The following VASP variants were observed in gnomAD, a reference collection of about 807,000 sequenced individuals.
The protein encoded by VASP is vasodilator-stimulated phosphoprotein.
In VASP, 27 loss-of-function variants were observed where a neutral mutation model predicts 54.4. The observed-to-expected ratio is 0.50, with a 90% CI of 0.37 to 0.68. The LOEUF (loss-of-function observed/expected upper bound fraction) is 0.68, where lower values mean the gene tolerates loss of function less well. Ranked by LOEUF, VASP falls within the 30% of genes least tolerant of loss-of-function variation. VASP has a pLI of 0.00. For synonymous variants in VASP, 233 were observed against 209.8 expected (o/e 1.11, Z -0.96); for missense variants, 488 against 528.3 (o/e 0.92, Z 0.75).
At chr19:45,524,449 A>G (rs1259097053) in intron 10 of VASP, 121 bp from the exon 11 acceptor site, 4 of 1,070,442 alleles carry the variant, frequency 3.7e-6, no homozygotes, top group Non-Finnish European at 5.6e-6. Context: ...TGGGGCCCCA[A>G]AAATACTTGG....
intron 11 of VASP, 166 bp downstream of exon 11, chr19:45,524,826 T>C: frequency 1.6e-6 from 1 of 617,070 alleles, no homozygotes; most frequent in Non-Finnish European, 2.9e-6. Context: ...CCACACCCCC[T>C]TTTCTGGCAC....
chr19:45,509,906 ACAGTCCTGGGGG>A (rs1336190497), intron 1 of VASP, among the ~76,000 whole-genome samples: 2 of 152,170 alleles, frequency 1.3e-5, no homozygotes, highest in African/African-American at 2.4e-5. Flanking sequence ...TTGGCTGGGG[ACAGTCCTGGGGG>A]CAGTTGGAAG....
chr19:45,523,497 C>CA (rs1444132529), intron 7 of VASP, 147 bp from the exon 8 acceptor site: 7 of 915,740 alleles, frequency 7.6e-6, no homozygotes, highest in Admixed American at 5.3e-5. Flanking sequence ...GCGCCCAGCA[C>CA]AATCTCTTGA....
chr19:45,523,797 A>G, intron 8 of VASP, 44 bp from the exon 9 acceptor site: 1 of 1,614,044 alleles, frequency 6.2e-7, no homozygotes, highest in Non-Finnish European at 8.5e-7. Context: ...AAATGGGCAG[A>G]GGTGTGGCAG....
chr19:45,523,305 C>A (rs1968887036), intron 7 of VASP, among the ~76,000 whole-genome samples: 1 of 141,680 alleles, frequency 7.1e-6, no homozygotes, highest in Non-Finnish European at 1.5e-5. Context: ...TGGGTTCAGG[C>A]AGTTCTTCTG....
Position 45,522,520 on chromosome 19 carries a change from G to A in VASP, c.659G>A (p.Gly220Glu), listed in dbSNP as rs1394061923. 9 of 1,456,522 alleles carry A rather than the reference G, an allele frequency of 6.2e-6. No homozygotes were observed. Among genetic ancestry groups the A allele is most frequent in the Middle Eastern group, 2.3e-4 (1 of 4,372 alleles). The allele number at this position is 1,456,522 out of a possible 1,614,324, so 90.2% of individuals were successfully genotyped here. A position where few individuals can be genotyped will look rare whatever the true frequency, so the allele number is the denominator to read the frequency against. Residue 220 changes from glycine (G) to glutamate (E), a missense_variant, in exon 6 of 13, where the codon GGA becomes GAA. Transcript: ENST00000245932. The part of the protein sequence containing the change: ...LPAAQGPGGG[G>E]AGAPGLAAAI... ...GCAGCACAGGGCCCTGGTGGTGGGG[G>A]AGCTGGGGCCCCAGGCCTGGCCGCA...
chr19:45,524,434 A>C (rs1270844112), intron 10 of VASP, 136 bp from the exon 11 acceptor site: 16 of 876,234 alleles, frequency 1.8e-5, no homozygotes, highest in Non-Finnish European at 2.9e-5. Flanking sequence ...AAAAAAAAAA[A>C]AAACTGGGGC....
chr19:45,522,470 A>G lies in VASP; in HGVS notation c.609A>G (p.Gly203=), dbSNP rs1381913323. The G allele has an allele frequency of 2.0e-6, 3 of 1,474,610 alleles. No homozygotes were observed. The highest frequency in any genetic ancestry group is 2.5e-5 in the East Asian group (1 of 39,994). The allele number at this position is 1,474,610 out of a possible 1,614,324, so 91.3% of individuals were successfully genotyped here. A position where few individuals can be genotyped will look rare whatever the true frequency, so the allele number is the denominator to read the frequency against. ...VPAAAHGAGG[G]PPPAPPLPAA... ...CTGCAGCGCACGGAGCAGGGGGAGG[A>G]CCACCCCCTGCACCCCCTCTCCCGG... Residue 203 remains glycine, a synonymous_variant, in exon 6 of 13, where the codon GGA becomes GGG. Coordinates refer to ENST00000245932, the MANE Select transcript of VASP (RefSeq NM_003370.4).
At chr19:45,522,304 C>T in intron 5 of VASP, 36 bp from the exon 6 acceptor site, 2 of 1,613,406 alleles carry the variant, frequency 1.2e-6, no homozygotes, top group Non-Finnish European at 1.7e-6. Flanking sequence ...TGAGGCTTCT[C>T]TCTCTCAGCT....
chr19:45,515,102 GGGTCCCTACCCCA>G (rs1174562139), intron 1 of VASP, among the ~76,000 whole-genome samples: 3 of 152,140 alleles, frequency 2.0e-5, no homozygotes, highest in Non-Finnish European at 2.9e-5. Context: ...GTAAATTTGA[GGGTCCCTACCCCA>G]GGTCCCTACC....
chr19:45,507,717 G>C lies in VASP; in HGVS notation c.-55G>C. The C allele has an allele frequency of 2.6e-6, 4 of 1,513,748 alleles. No homozygotes were observed. Among genetic ancestry groups the C allele is most frequent in the Admixed American group, 2.0e-5 (1 of 49,774 alleles). 93.8% of individuals were successfully genotyped at this position (1,513,748 alleles called of 1,614,324 possible). On this transcript the variant is annotated 5_prime_UTR_variant, in exon 1 of 13. Transcript: ENST00000245932. This position sits in a 1 kb window ranked among gnomAD's most constrained non-coding sequence, Gnocchi z 4.4. Reference sequence around the variant, plus strand: ...CCCCGAACCCCTGAACCTCCAGCCAGGGGCGCCCCGGGAGCAGCCAGCCCG... The same window carrying C: ...CCCCGAACCCCTGAACCTCCAGCCACGGGCGCCCCGGGAGCAGCCAGCCCG...
chr19:45,513,468 C>CTTTTTTTTTTTTTTTTTTT lies in VASP; in HGVS notation c.6-4192_6-4174dup, dbSNP rs71173173. Among the ~76,000 whole-genome samples, 47 of 92,782 alleles carry CTTTTTTTTTTTTTTTTTTT rather than the reference C, an allele frequency of 5.1e-4. 3 individuals are homozygous for CTTTTTTTTTTTTTTTTTTT. The highest frequency in any genetic ancestry group is 1.9e-3 in the African/African-American group (41 of 21,074). The allele number at this position is 92,782 out of a possible 152,430, so 60.9% of individuals were successfully genotyped here. The stretch of plus-strand genomic sequence containing the variant: ...CATCTTGCCCAAGCTAGTCTCTCTC[C>CTTTTTTTTTTTTTTTTTTT]TTTTTTTTTTTTTTTTTTTTTGAGA... On this transcript the variant is annotated intron_variant, in intron 1 of 12. Transcript: ENST00000245932.
At chr19:45,519,753 A>G (rs529377272) in intron 3 of VASP, among the ~76,000 whole-genome samples, 1 of 140,696 alleles carries the variant, frequency 7.1e-6, no homozygotes, top group African/African-American at 3.1e-5. Context: ...CCGCCACCAC[A>G]TCCAGCTAAT....
chr19:45,522,723 G>C lies in VASP; in HGVS notation c.726G>C (p.Glu242Asp). The C allele has an allele frequency of 6.2e-7, 1 of 1,604,090 alleles. No homozygotes were observed. The highest frequency in any genetic ancestry group is 1.4e-5 in the African/African-American group (1 of 73,944). Residue 242 changes from glutamate to aspartate, a missense_variant, in exon 7 of 13, where the codon GAG becomes GAC. Physicochemically the swap from Glu to Asp is conservative, Grantham distance 45. Around this residue, in one of 4 missense-constraint regions of VASP, gnomAD observed 226 missense variants for 196.0 expected, o/e 1.15. Transcript: ENST00000245932. Reference sequence around the variant, plus strand: ...CCCCTTTTAAATTTCTCCAGCAGGAGGAGGCCTCAGGGGGGCCCACAGCCC... The same window carrying C: ...CCCCTTTTAAATTTCTCCAGCAGGACGAGGCCTCAGGGGGGCCCACAGCCC... Reference protein sequence around the residue: ...GAKLRKVSKQEEASGGPTAPK... With the variant: ...GAKLRKVSKQDEASGGPTAPK...
Position 45,524,561 on chromosome 19 carries a change from C to T in VASP, c.957-9C>T. On this transcript the variant is annotated splice_polypyrimidine_tract_variant and intron_variant, in intron 10 of 12. Coordinates refer to ENST00000245932, the MANE Select transcript of VASP (RefSeq NM_003370.4). Reference sequence around the variant, plus strand: ...TCATTGCTGTCCCAAACCACACCAACTCCCCCAGGATGAAGTCGTCTTCTT... The same window carrying T: ...TCATTGCTGTCCCAAACCACACCAATTCCCCCAGGATGAAGTCGTCTTCTT... 1 of 1,613,798 alleles carries T rather than the reference C, an allele frequency of 6.2e-7. No individual in the cohort carries two copies. Among genetic ancestry groups the T allele is most frequent in the Non-Finnish European group, 8.5e-7 (1 of 1,179,782 alleles).
rs745885858 is a variant in VASP at position 45,522,153 on chromosome 19, C to T, written c.429-15C>T. On this transcript the variant is annotated splice_polypyrimidine_tract_variant and intron_variant, in intron 4 of 12. Coordinates refer to ENST00000245932, the MANE Select transcript of VASP (RefSeq NM_003370.4). ...GGGCCCTGATTGACGGCAGCTCTCTCGCCTCCCCCCACAGGCAGCAGCCCG... is the reference window on the plus strand; with the variant it reads ...GGGCCCTGATTGACGGCAGCTCTCTTGCCTCCCCCCACAGGCAGCAGCCCG... 1.4e-5 allele frequency: 23 copies of T among 1,613,346 alleles called. No homozygotes were observed. The highest frequency in any genetic ancestry group is 3.3e-5 in the South Asian group (3 of 91,052).
rs540011230 is a variant in VASP at position 45,518,215 on chromosome 19, A to T, written c.343+121A>T. 2.2e-6 allele frequency: 3 copies of T among 1,363,234 alleles called. No individual in the cohort carries two copies. The South Asian group carries it at 4.5e-5, about 20-fold the overall frequency. 84.4% of individuals were successfully genotyped at this position (1,363,234 alleles called of 1,614,324 possible). ...AAAATAGAGCGAATTCATTGTTATC[A>T]TGGAAAATTATCACTAGCATTTTGT... On this transcript the variant is annotated intron_variant, in intron 3 of 12. Coordinates refer to ENST00000245932, the MANE Select transcript of VASP (RefSeq NM_003370.4).
intron 1 of VASP, among the ~76,000 whole-genome samples, chr19:45,512,642 C>A (rs902054812): frequency 1.2e-4 from 18 of 151,862 alleles, no homozygotes; most frequent in Non-Finnish European, 2.1e-4. Flanking sequence ...CTCTGTCCCC[C>A]AGGCTGGGGT....
chr19:45,510,934 A>AAG (rs1968589049), intron 1 of VASP, among the ~76,000 whole-genome samples: 1 of 142,076 alleles, frequency 7.0e-6, no homozygotes, highest in Admixed American at 6.9e-5. Flanking sequence ...CCCTGTCTCA[A>AAG]AAAAAAAAAA....
Sources: gnomAD v4.1 joint callset for allele counts (sites outside exome capture counted in the v4.1 genomes callset) on GRCh38, gnomAD v4.1.1 for gene constraint, gnomAD v4.1.1 regional missense constraint, Gnocchi (gnomAD v3.1) non-coding constraint, MANE v1.5 for transcripts, NCBI Gene and HGNC (gene_info 2026-07-23, HGNC 2026-07-21) for gene names.